The following PRKCA variants were observed in gnomAD, a reference collection of about 807,000 sequenced individuals.
The protein encoded by PRKCA is protein kinase C alpha type.
PRKCA carries 27 observed loss-of-function variants against 87.0 expected under a neutral mutation model. The ratio of observed to expected loss-of-function variants is 0.31; its 90% CI spans 0.23 to 0.43. The LOEUF (loss-of-function observed/expected upper bound fraction) is 0.43. Ranked by LOEUF, PRKCA falls within the 20% of genes least tolerant of loss-of-function variation. The probability of loss-of-function intolerance (pLI) is 1.00; values close to 1 mark genes in which losing one functional copy is unlikely to be tolerated. For missense variants in PRKCA, 518 were observed against 852.3 expected (o/e 0.61, Z 4.88); for synonymous variants, 329 against 311.1 (o/e 1.06, Z -0.61).
At chr17:66,692,225 A>T (rs7211505) in intron 8 of PRKCA, among the ~76,000 whole-genome samples, 2 of 151,960 alleles carry the variant, frequency 1.3e-5, no homozygotes, top group African/African-American at 4.8e-5. Flanking sequence ...CTGCATTCTA[A>T]CCTTTGCTTT....
intron 3 of PRKCA, among the ~76,000 whole-genome samples, chr17:66,629,840 C>T (rs1300302966): frequency 2.0e-5 from 3 of 152,054 alleles, no homozygotes; most frequent in Non-Finnish European, 2.9e-5. Flanking sequence ...TAAAATTTCA[C>T]GGAACTACAC....
At chr17:66,737,196 CAAAA>C (rs59025976) in intron 10 of PRKCA, among the ~76,000 whole-genome samples, 6 of 125,326 alleles carry the variant, frequency 4.8e-5, no homozygotes, top group East Asian at 4.6e-4. Context: ...ACTAAATATA[CAAAA>C]AAAAAAAAAA....
At chr17:66,762,759 A>C (rs1254028564) in intron 13 of PRKCA, among the ~76,000 whole-genome samples, 1 of 152,188 alleles carries the variant, frequency 6.6e-6, no homozygotes, top group Admixed American at 6.5e-5. Context: ...TTTGAGCCTC[A>C]GGAGCCTCTT....
At chr17:66,421,563 TACTC>T (rs1738780711) in intron 2 of PRKCA, among the ~76,000 whole-genome samples, 1 of 151,886 alleles carries the variant, frequency 6.6e-6, no homozygotes, top group African/African-American at 2.4e-5. Flanking sequence ...GACAGAGTCT[TACTC>T]TATTATTCAG....
intron 1 of PRKCA, among the ~76,000 whole-genome samples, chr17:66,304,172 A>C (rs184831120): frequency 1.3e-5 from 2 of 152,268 alleles, no homozygotes; most frequent in Non-Finnish European, 2.9e-5. Flanking sequence ...CTTATGGAGA[A>C]TCGATACATA....
In PRKCA at chr17:66,807,388, C is replaced by T. The variant is rs1022875450; in HGVS notation, c.*3351C>T. The T allele has an allele frequency of 2.6e-5, 4 of 152,282 alleles. No individual in the cohort carries two copies. Among genetic ancestry groups the T allele is most frequent in the African/African-American group, 9.6e-5 (4 of 41,468 alleles). The allele number at this position is 152,282 out of a possible 1,614,324, so 9.4% of individuals were successfully genotyped here. Reference sequence around the variant, plus strand: ...GCTGGCAGCCCGTCTCTTGGCATTTCAATTGAAGGTCACCAGGTGCTGGGT... The same window carrying T: ...GCTGGCAGCCCGTCTCTTGGCATTTTAATTGAAGGTCACCAGGTGCTGGGT... On this transcript the variant is annotated 3_prime_UTR_variant, in exon 17 of 17. Coordinates refer to ENST00000413366, the MANE Select transcript of PRKCA (RefSeq NM_002737.3). The surrounding 1 kb of genome is among the most constrained non-coding windows in gnomAD (Gnocchi z 4.3).
intron 2 of PRKCA, among the ~76,000 whole-genome samples, chr17:66,471,096 A>G (rs1478702024): frequency 6.6e-6 from 1 of 151,634 alleles, no homozygotes; most frequent in Non-Finnish European, 1.5e-5. Flanking sequence ...AGCTTCATTT[A>G]GGACATATTC....
At chr17:66,467,008 A>C (rs201982472) in intron 2 of PRKCA, among the ~76,000 whole-genome samples, 43 of 152,316 alleles carry the variant, frequency 2.8e-4, no homozygotes, top group East Asian at 1.2e-3. Context: ...TCATATTCAA[A>C]CTGAACCTAC....
intron 2 of PRKCA, among the ~76,000 whole-genome samples, chr17:66,421,428 G>GTTTTTT (rs55825622): frequency 1.1e-4 from 13 of 116,866 alleles, no homozygotes; most frequent in African/African-American, 3.6e-4. Context: ...CACAGCCTCT[G>GTTTTTT]TTTTTTTTTT....
In PRKCA at chr17:66,559,622, A is replaced by T. The variant is rs1356095199; in HGVS notation, c.288+63339A>T. Among the ~76,000 whole-genome samples the T allele has an allele frequency of 3.3e-5, 5 of 150,000 alleles. No individual in the cohort carries two copies. In the East Asian group the frequency reaches 9.7e-4, roughly 29 times the overall value. Reference sequence around the variant, plus strand: ...AGAGAGAAACTGTCCAATAAGGCAAATTTTTTTTTTAAGAATTTTGAATGA... The same window carrying T: ...AGAGAGAAACTGTCCAATAAGGCAATTTTTTTTTTTAAGAATTTTGAATGA... On this transcript the variant is annotated intron_variant, in intron 3 of 16. Transcript: ENST00000413366.
chr17:66,389,267 G>A (rs1345971147), intron 2 of PRKCA, among the ~76,000 whole-genome samples: 1 of 152,192 alleles, frequency 6.6e-6, no homozygotes, highest in Non-Finnish European at 1.5e-5. Context: ...AGAAAGGCTG[G>A]CCTTGAAGGG....
chr17:66,632,823 A>G (rs1971058058), intron 3 of PRKCA, among the ~76,000 whole-genome samples: 1 of 152,298 alleles, frequency 6.6e-6, no homozygotes, highest in Non-Finnish European at 1.5e-5. Flanking sequence ...TGCCTTGCTG[A>G]TACAGATCTA....
At chr17:66,772,882 G>T (rs552308665) in intron 13 of PRKCA, among the ~76,000 whole-genome samples, 4 of 150,810 alleles carry the variant, frequency 2.7e-5, no homozygotes, top group South Asian at 4.2e-4. Flanking sequence ...TTATTGAAGT[G>T]TTTTTTTTTA....
intron 16 of PRKCA, among the ~76,000 whole-genome samples, chr17:66,789,735 G>A (rs1197756564): frequency 6.6e-6 from 1 of 152,206 alleles, no homozygotes; most frequent in Non-Finnish European, 1.5e-5. Context: ...GTGAAACCAG[G>A]ACGAGTCTTT....
intron 13 of PRKCA, among the ~76,000 whole-genome samples, chr17:66,758,090 G>A (rs1199033508): frequency 6.6e-6 from 1 of 152,210 alleles, no homozygotes; most frequent in East Asian, 1.9e-4. Context: ...ATGGGGCAAG[G>A]AAGGGCAGGC....
At chr17:66,440,036 T>C (rs907340111) in intron 2 of PRKCA, among the ~76,000 whole-genome samples, 1 of 152,162 alleles carries the variant, frequency 6.6e-6, no homozygotes. Context: ...TAAATAAGGG[T>C]CTTGGGGTTT....
At position 66,510,004 on chromosome 17, in the gene PRKCA, G is replaced by A. The variant is rs545572404; in HGVS notation, c.288+13721G>A. ...GTCCAACCCACCTTATTTTGTTGTCGTGGTGGTTCTGTTTTGTTTTGTTTG... is the reference window on the plus strand; with the variant it reads ...GTCCAACCCACCTTATTTTGTTGTCATGGTGGTTCTGTTTTGTTTTGTTTG... On this transcript the variant is annotated intron_variant, in intron 3 of 16. Transcript: ENST00000413366. Among the ~76,000 whole-genome samples the A allele has an allele frequency of 4.7e-4, 72 of 152,200 alleles. 1 individual carries two copies. Among genetic ancestry groups the A allele is most frequent in the Non-Finnish European group, 8.7e-4 (59 of 68,008 alleles).
intron 13 of PRKCA, among the ~76,000 whole-genome samples, chr17:66,760,828 A>G (rs375036576): frequency 5.3e-5 from 8 of 152,336 alleles, no homozygotes; most frequent in African/African-American, 1.9e-4. Context: ...CAACATGTAT[A>G]GTAGGAATTA....
At position 66,792,854 on chromosome 17, in the gene PRKCA, G is replaced by T. The variant is rs1041035860; in HGVS notation, c.1854+3875G>T. Among the ~76,000 whole-genome samples, 1 of 152,174 alleles carries T rather than the reference G, an allele frequency of 6.6e-6. No individual in the cohort carries two copies. Among genetic ancestry groups the T allele is most frequent in the Non-Finnish European group, 1.5e-5 (1 of 68,024 alleles). On this transcript the variant is annotated intron_variant, in intron 16 of 16. Transcript: ENST00000413366. The surrounding 1 kb of genome is among the most constrained non-coding windows in gnomAD (Gnocchi z 4.5). ...ATGGCGGTGGTCATCTCTCCTGGCA[G>T]TGGCAAGCCTGGAGGCTGAGATGTG...
Sources: gnomAD v4.1 joint callset for allele counts (sites outside exome capture counted in the v4.1 genomes callset) on GRCh38, gnomAD v4.1.1 for gene constraint, Gnocchi (gnomAD v3.1) non-coding constraint, MANE v1.5 for transcripts, NCBI Gene and HGNC (gene_info 2026-07-23, HGNC 2026-07-21) for gene names.